The following CLDN14 variants were observed in gnomAD, a reference collection of about 807,000 sequenced individuals.
The protein encoded by CLDN14 is claudin 14.
Under a neutral mutation model 2.1 loss-of-function variants are expected in CLDN14, and 2 were observed. The ratio of observed to expected loss-of-function variants is 0.96; its 90% confidence interval spans 0.39 to 3.01. The LOEUF (loss-of-function observed/expected upper bound fraction) is 3.01. CLDN14 is among the 30% of genes most tolerant of loss of function. The pLI is 0.09. For missense variants in CLDN14, 298 were observed against 328.0 expected, an observed-to-expected ratio of 0.91 and a Z score of 0.71; for synonymous variants, 136 against 154.4, an observed-to-expected ratio of 0.88 and a Z score of 0.88.
At chr21:36,485,902 C>T (rs1196213804) in intron 2 of CLDN14, 5 of 712,208 alleles carry the variant, frequency 7.0e-6, no homozygotes, top group Non-Finnish European at 1.1e-5. Flanking sequence ...GTAATGGTTA[C>T]AGATAACACA....
intron 2 of CLDN14, chr21:36,486,136 G>A (rs770314029): frequency 2.2e-5 from 29 of 1,292,518 alleles, no homozygotes; most frequent in Admixed American, 1.2e-4. Flanking sequence ...CCTGCATCAC[G>A]TCGTAATCAT....
At chr21:36,501,244 T>G (rs555077401) in intron 2 of CLDN14, among the ~76,000 whole-genome samples, 1 of 147,990 alleles carries the variant, frequency 6.8e-6, no homozygotes, top group South Asian at 2.1e-4. Flanking sequence ...ATCAGCAACA[T>G]GAAGAGCAAA....
chr21:36,490,348 T>C (rs2086947992), intron 2 of CLDN14, among the ~76,000 whole-genome samples: 1 of 151,442 alleles, frequency 6.6e-6, no homozygotes, highest in South Asian at 2.1e-4. Context: ...GGACTACAGG[T>C]GCGAACCACC....
chr21:36,500,206 G>A (rs982937142), intron 2 of CLDN14, among the ~76,000 whole-genome samples: 16 of 152,070 alleles, frequency 1.1e-4, no homozygotes, highest in Non-Finnish European at 1.0e-4. Flanking sequence ...GGGCAAGGAA[G>A]TGAAACATTG....
chr21:36,554,456 C>G (rs1393004907), intron 1 of CLDN14, among the ~76,000 whole-genome samples: 2 of 152,210 alleles, frequency 1.3e-5, no homozygotes, highest in Non-Finnish European at 2.9e-5. Flanking sequence ...ACAGCCATCA[C>G]AGGAGATAAA....
chr21:36,464,566 GC>G (rs902882314), intron 1 of CLDN14, among the ~76,000 whole-genome samples: 2 of 152,210 alleles, frequency 1.3e-5, no homozygotes, highest in African/African-American at 4.8e-5. Flanking sequence ...AAGGACCGGG[GC>G]CGGCTGTCCT....
chr21:36,529,151 G>A (rs2087359118), intron 1 of CLDN14, among the ~76,000 whole-genome samples: 2 of 152,160 alleles, frequency 1.3e-5, no homozygotes, highest in Non-Finnish European at 1.5e-5. Context: ...GTATCTTTTG[G>A]TACAAAGGGT....
chr21:36,479,384 G>A (rs1040161867), intron 1 of CLDN14, 111 bp downstream of exon 1: 3 of 152,116 alleles, frequency 2.0e-5, no homozygotes, highest in African/African-American at 4.8e-5. Flanking sequence ...GAGAACGCTC[G>A]GACCCCTGGC....
At chr21:36,461,844 T>G in intron 1 of CLDN14, 68 bp from the exon 2 acceptor site, 1 of 1,112,068 alleles carries the variant, frequency 9.0e-7, no homozygotes, top group Non-Finnish European at 1.3e-6. Context: ...CTCATGCACT[T>G]ATTTCTGTCA....
intron 2 of CLDN14, chr21:36,486,487 T>G: frequency 2.6e-6 from 4 of 1,556,630 alleles, no homozygotes; most frequent in Non-Finnish European, 3.5e-6. Context: ...CTACTCCAAA[T>G]TCAAAGTCAC....
chr21:36,502,304 G>A (rs960044966), intron 2 of CLDN14, among the ~76,000 whole-genome samples: 2 of 152,176 alleles, frequency 1.3e-5, no homozygotes, highest in Admixed American at 6.5e-5. Flanking sequence ...TCTTCTGCAG[G>A]CTGGCTCCCA....
At chr21:36,516,754 A>C (rs1048599681) in intron 1 of CLDN14, among the ~76,000 whole-genome samples, 1 of 152,258 alleles carries the variant, frequency 6.6e-6, no homozygotes. Flanking sequence ...AGCTGGACAC[A>C]CAGTACATTG....
At chr21:36,504,996 G>A (rs2087119523) in intron 2 of CLDN14, among the ~76,000 whole-genome samples, 1 of 152,098 alleles carries the variant, frequency 6.6e-6, no homozygotes, top group African/African-American at 2.4e-5. Flanking sequence ...CTGAAAATCT[G>A]GAAGATTTTC....
chr21:36,546,345 C>T (rs960513915), intron 1 of CLDN14, among the ~76,000 whole-genome samples: 3 of 151,992 alleles, frequency 2.0e-5, no homozygotes, highest in Non-Finnish European at 4.4e-5. Context: ...GGGTGATTGC[C>T]CTGTGACATA....
At chr21:36,516,915 A>G (rs1245461536) in intron 1 of CLDN14, among the ~76,000 whole-genome samples, 1 of 152,202 alleles carries the variant, frequency 6.6e-6, no homozygotes, top group African/African-American at 2.4e-5. Context: ...ATCTCAGCTC[A>G]CCGCAACCTC....
At chr21:36,489,131 A>AAAAAAAAAAATATATATATATAT in intron 2 of CLDN14, among the ~76,000 whole-genome samples, 1 of 62,750 alleles carries the variant, frequency 1.6e-5, no homozygotes, top group Non-Finnish European at 3.0e-5. Flanking sequence ...AAAAAAAAAA[A>AAAAAAAAAAATATATATATATAT]ATATATATAT....
At chr21:36,477,728 C>A (rs776498592) in intron 1 of CLDN14, among the ~76,000 whole-genome samples, 28 of 152,140 alleles carry the variant, frequency 1.8e-4, no homozygotes, top group Non-Finnish European at 4.0e-4. Context: ...TAGAGTCACC[C>A]GACAGGGAGA....
intron 1 of CLDN14, among the ~76,000 whole-genome samples, chr21:36,529,232 G>A (rs537932557): frequency 6.6e-5 from 10 of 152,176 alleles, no homozygotes; most frequent in South Asian, 2.1e-4. Flanking sequence ...CACAGAGTAC[G>A]TAGCTTATTT....
chr21:36,498,445 G>T lies in CLDN14; in HGVS notation c.-82+11918C>A, dbSNP rs1221186677. 1.3e-5 allele frequency among the ~76,000 whole-genome samples: 2 copies of T among 152,200 alleles called. No individual in the cohort carries two copies. The highest frequency in any genetic ancestry group is 2.4e-5 in the African/African-American group (1 of 41,448). ...ACATCTCTTGTCTGGATTTAGCTGT[G>T]AAAGACCAGTAGACCAACTGGTGGG... On this transcript the variant is annotated intron_variant, in intron 2 of 2. Coordinates refer to the CLDN14 transcript ENST00000342108. The surrounding 1 kb of genome is among the most constrained non-coding windows in gnomAD (Gnocchi z 4.9).
Sources: gnomAD v4.1 joint callset for allele counts (sites outside exome capture counted in the v4.1 genomes callset) on GRCh38, gnomAD v4.1.1 for gene constraint, Gnocchi (gnomAD v3.1) non-coding constraint, MANE v1.5 for transcripts, NCBI Gene and HGNC (gene_info 2026-07-23, HGNC 2026-07-21) for gene names.